DNAH12: variants seen among roughly 807,000 people sequenced by gnomAD.
DNAH12 encodes the protein axonemal beta dynein heavy chain 12.
In DNAH12, 285 loss-of-function variants were observed where a neutral mutation model predicts 371.5. The ratio of observed to expected loss-of-function variants is 0.77; its 90% CI spans 0.70 to 0.85. DNAH12 has a LOEUF of 0.85. DNAH12 is among the 40% of genes least tolerant of loss of function. DNAH12 has a pLI of 0.00. For synonymous variants in DNAH12, 1,200 were observed against 1,213.0 expected (o/e 0.99, Z 0.22); for missense variants, 3,611 against 3,689.4 (o/e 0.98, Z 0.55).
At chr3:57,381,138 C>G (rs1251714932) in intron 50 of DNAH12, among the ~76,000 whole-genome samples, 1 of 152,108 alleles carries the variant, frequency 6.6e-6, no homozygotes, top group Non-Finnish European at 1.5e-5. Context: ...ATTGCTCTGC[C>G]AACCATAGGG....
chr3:57,329,854 A>G (rs1431601727), intron 62 of DNAH12, among the ~76,000 whole-genome samples: 4 of 152,240 alleles, frequency 2.6e-5, no homozygotes, highest in Non-Finnish European at 5.9e-5. Flanking sequence ...ATGAACTCAA[A>G]CAAATTTACA....
chr3:57,296,835 G>A lies in DNAH12; in HGVS notation c.11532+12C>T, dbSNP rs1263009203. 2.6e-6 allele frequency: 4 copies of A among 1,551,090 alleles called. No homozygotes were observed. Among genetic ancestry groups the A allele is most frequent in the East Asian group, 2.4e-5 (1 of 40,900 alleles). ...GTAATGATATACTGTTGACTTTAAG[G>A]AGTTACTATACCTCAAATTCATATC... is the stretch of plus-strand genomic sequence containing the variant. On this transcript the variant is annotated intron_variant, in intron 71 of 73. Coordinates refer to ENST00000495027, the MANE Select transcript of DNAH12 (RefSeq NM_001366028.2).
At chr3:57,523,669 T>A in intron 3 of DNAH12, 60 bp from the exon 4 acceptor site, 1 of 1,354,928 alleles carries the variant, frequency 7.4e-7, no homozygotes, top group Non-Finnish European at 9.7e-7. Flanking sequence ...TTAATTTAAA[T>A]TGTTTAAAAA....
intron 14 of DNAH12, 139 bp downstream of exon 14, chr3:57,472,407 T>A: frequency 9.6e-7 from 1 of 1,044,432 alleles, no homozygotes; most frequent in Non-Finnish European, 1.4e-6. Flanking sequence ...TAGAGGGCCA[T>A]AAGTGTGGCC....
chr3:57,406,780 G>A (rs2064041713), intron 40 of DNAH12, among the ~76,000 whole-genome samples: 1 of 151,772 alleles, frequency 6.6e-6, no homozygotes, highest in African/African-American at 2.4e-5. Context: ...ATCTAAATTG[G>A]CTTTAAGGAA....
intron 17 of DNAH12, among the ~76,000 whole-genome samples, chr3:57,463,621 C>T (rs138487485): frequency 2.6e-5 from 4 of 152,146 alleles, no homozygotes; most frequent in African/African-American, 7.2e-5. Flanking sequence ...TTAAGGACTT[C>T]GTTTTAACCT....
chr3:57,428,888 A>C (rs1026674848), intron 33 of DNAH12, 67 bp from the exon 34 acceptor site: 22 of 1,399,598 alleles, frequency 1.6e-5, no homozygotes, highest in Non-Finnish European at 2.1e-5. Context: ...ATTATCAACT[A>C]TTTCTTAAGA....
At chr3:57,390,424 A>AAAAAAAAAAT in intron 45 of DNAH12, among the ~76,000 whole-genome samples, 5 of 33,438 alleles carry the variant, frequency 1.5e-4, no homozygotes, top group Admixed American at 5.6e-4. Context: ...AAAAAAAAAA[A>AAAAAAAAAAT]ATATATATAT....
intron 12 of DNAH12, among the ~76,000 whole-genome samples, chr3:57,487,323 AAGGGAGGGAGGG>A (rs201041126): frequency 9.7e-6 from 1 of 103,516 alleles, no homozygotes; most frequent in Non-Finnish European, 1.9e-5. Context: ...GAGAGAGAGA[AAGGGAGGGAGGG>A]AGGGAGGGAG....
chr3:57,338,011 C>T lies in DNAH12; in HGVS notation c.9675-3071G>A, dbSNP rs1312248726. Among the ~76,000 whole-genome samples the T allele has an allele frequency of 5.3e-5, 8 of 152,030 alleles. No homozygotes were observed. The South Asian group carries it at 1.7e-3, about 32-fold the overall frequency. ...ACCTTAAAAAATTGTTTCGCTCTCCCTCTCTCTCTCTTCTCTCTCTTTCCA... is the reference window on the plus strand; with the variant it reads ...ACCTTAAAAAATTGTTTCGCTCTCCTTCTCTCTCTCTTCTCTCTCTTTCCA... On this transcript the variant is annotated intron_variant, in intron 60 of 73. Coordinates refer to ENST00000495027, the MANE Select transcript of DNAH12 (RefSeq NM_001366028.2).
intron 2 of DNAH12, chr3:57,530,791 C>A: frequency 4.5e-6 from 1 of 224,402 alleles, no homozygotes; most frequent in South Asian, 7.6e-5. Context: ...TTCCCCACAT[C>A]CAGCCTCAAG....
At chr3:57,383,902 C>T (rs2063449606) in intron 49 of DNAH12, among the ~76,000 whole-genome samples, 1 of 152,106 alleles carries the variant, frequency 6.6e-6, no homozygotes, top group African/African-American at 2.4e-5. Context: ...TGTCTTATAA[C>T]TACAGGGCTG....
At chr3:57,455,949 T>C (rs895745721) in intron 22 of DNAH12, among the ~76,000 whole-genome samples, 2 of 152,140 alleles carry the variant, frequency 1.3e-5, no homozygotes, top group African/African-American at 4.8e-5. Context: ...AACTACAGAA[T>C]GAATTTTGAA....
chr3:57,458,712 A>T (rs1227440128), intron 20 of DNAH12, among the ~76,000 whole-genome samples: 3 of 152,234 alleles, frequency 2.0e-5, no homozygotes, highest in Non-Finnish European at 2.9e-5. Context: ...TGAAAATATC[A>T]GTGTCCATAA....
intron 54 of DNAH12, 132 bp from the exon 55 acceptor site, chr3:57,375,648 A>G (rs2063266525): frequency 1.3e-5 from 2 of 152,186 alleles, no homozygotes; most frequent in Non-Finnish European, 2.9e-5. Context: ...AGAAATTAAA[A>G]GTTGAATAGT....
Position 57,472,686 on chromosome 3 carries a change from C to CTGGATA in DNAH12, c.1651-21_1651-16dup, listed in dbSNP as rs1559696462. 2.6e-6 allele frequency: 4 copies of CTGGATA among 1,546,160 alleles called. No homozygotes were observed. Among genetic ancestry groups the CTGGATA allele is most frequent in the Non-Finnish European group, 2.6e-6 (3 of 1,144,690 alleles). ...CGTTTAGATTCCTACAAAAGAAACT[C>CTGGATA]TGGATATAATATGTCATATAGAAAA... On this transcript the variant is annotated splice_polypyrimidine_tract_variant and intron_variant, in intron 13 of 73. Transcript: ENST00000495027.
intron 60 of DNAH12, among the ~76,000 whole-genome samples, chr3:57,343,163 A>C (rs1242920782): frequency 1.3e-5 from 2 of 152,212 alleles, no homozygotes; most frequent in Non-Finnish European, 2.9e-5. Context: ...AATGTTTGAT[A>C]TCACTAATAA....
In DNAH12 at chr3:57,457,797, G is replaced by A; in HGVS notation, c.3260C>T (p.Ala1087Val). Residue 1087 changes from alanine (A) to valine (V), a missense_variant, in exon 22 of 74, where the codon GCT (alanine) becomes GTT (valine). Transcript: ENST00000495027. ...ALISTSAARG[A>V]VEKWLIQVED... Reference sequence around the variant, plus strand: ...CACTTGAATGAGCCACTTTTCCACAGCACCCCGCGCTGCAGACGTGGAAAT... The same window carrying A: ...CACTTGAATGAGCCACTTTTCCACAACACCCCGCGCTGCAGACGTGGAAAT... 1 of 1,551,510 alleles carries A rather than the reference G, an allele frequency of 6.4e-7. No homozygotes were observed. The highest frequency in any genetic ancestry group is 8.7e-7 in the Non-Finnish European group (1 of 1,146,980).
At chr3:57,509,301 T>C (rs1032158444) in intron 5 of DNAH12, 89 bp from the exon 6 acceptor site, 9 of 1,204,060 alleles carry the variant, frequency 7.5e-6, no homozygotes, top group East Asian at 2.4e-5. Flanking sequence ...TTGGATGGTA[T>C]AGTTTACTGT....
Sources: gnomAD v4.1 joint callset for allele counts (sites outside exome capture counted in the v4.1 genomes callset) on GRCh38, gnomAD v4.1.1 for gene constraint, MANE v1.5 for transcripts, NCBI Gene and HGNC (gene_info 2026-07-23, HGNC 2026-07-21) for gene names.